NAV2: variants seen among roughly 807,000 people sequenced by gnomAD.
NAV2 encodes the protein neuron navigator 2.
In NAV2, 54 loss-of-function variants were observed where a neutral mutation model predicts 223.2. The ratio of observed to expected loss-of-function variants is 0.24; its 90% CI spans 0.19 to 0.30. The LOEUF (loss-of-function observed/expected upper bound fraction) is 0.30, where lower values mean the gene tolerates loss of function less well. NAV2 is among the 10% of genes least tolerant of loss of function. NAV2 has a pLI of 1.00. For synonymous variants in NAV2, 1,279 were observed against 1,239.3 expected (o/e 1.03, Z -0.67); for missense variants, 2,806 against 3,147.5 (o/e 0.89, Z 2.60).
intron 1 of NAV2, among the ~76,000 whole-genome samples, chr11:19,470,075 G>A (rs2041914496): frequency 6.6e-6 from 1 of 152,250 alleles, no homozygotes; most frequent in Admixed American, 6.5e-5. Context: ...GCTGAGGTAG[G>A]GGTGGAAGAC....
Position 20,114,725 on chromosome 11 carries a change from G to C in NAV2, c.7094G>C (p.Gly2365Ala), listed in dbSNP as rs1356899826. The C allele has an allele frequency of 6.2e-7, 1 of 1,614,108 alleles. No homozygotes were observed. Among genetic ancestry groups the C allele is most frequent in the South Asian group, 1.1e-5 (1 of 91,068 alleles). The change falls in exon 37 of 38, where the codon GGC becomes GCC. Residue 2365 changes from glycine (G) to alanine (A), a missense_variant. Around this residue, in one of 4 missense-constraint regions of NAV2, gnomAD observed 824 missense variants for 1,069.4 expected, o/e 0.77. Coordinates refer to ENST00000349880, the MANE Select transcript of NAV2 (RefSeq NM_145117.5). ...CGGCCTGAGGATGTCGGCTTCGACG[G>C]CTACTCCATGCCTCGGGAGGGATCG... is the stretch of plus-strand genomic sequence containing the variant. ...QLRPEDVGFD[G>A]YSMPREGSTS...
At chr11:19,557,184 A>AATG (rs1212722645) in intron 1 of NAV2, among the ~76,000 whole-genome samples, 1 of 152,226 alleles carries the variant, frequency 6.6e-6, no homozygotes, top group Non-Finnish European at 1.5e-5. Context: ...CCGCAGGTTA[A>AATG]ATTCCACAAG....
intron 3 of NAV2, among the ~76,000 whole-genome samples, chr11:19,844,119 C>T (rs911354274): frequency 3.9e-5 from 6 of 152,198 alleles, no homozygotes; most frequent in African/African-American, 1.4e-4. Flanking sequence ...GCTGACATCT[C>T]ATGGCTGCTT....
intron 11 of NAV2, among the ~76,000 whole-genome samples, chr11:19,991,306 G>T (rs2051308817): frequency 6.6e-6 from 1 of 151,698 alleles, no homozygotes; most frequent in Non-Finnish European, 1.5e-5. Context: ...TTGCATTTTT[G>T]TAGAGACAGG....
At chr11:19,374,735 T>G (rs57073132) in intron 1 of NAV2, among the ~76,000 whole-genome samples, 1,554 of 152,290 alleles carry the variant, frequency 0.01, 35 homozygotes, top group African/African-American at 0.036. Flanking sequence ...TCAGGAGAGA[T>G]CAGGATGTGG....
At chr11:19,680,817 C>A (rs1274240280) in intron 1 of NAV2, among the ~76,000 whole-genome samples, 1 of 152,194 alleles carries the variant, frequency 6.6e-6, no homozygotes, top group Non-Finnish European at 1.5e-5. Flanking sequence ...CAGGAATGAG[C>A]TCACGTGAGA....
At chr11:19,964,690 G>A (rs992740171) in intron 10 of NAV2, among the ~76,000 whole-genome samples, 2 of 151,180 alleles carry the variant, frequency 1.3e-5, no homozygotes, top group African/African-American at 4.9e-5. Context: ...TTGTAGAAAT[G>A]GTGTCTTGCT....
intron 1 of NAV2, among the ~76,000 whole-genome samples, chr11:19,768,149 GC>G (rs2055383100): frequency 6.6e-6 from 1 of 152,234 alleles, no homozygotes; most frequent in Non-Finnish European, 1.5e-5. Flanking sequence ...TGGGCGTCCT[GC>G]ACGCACGTTG....
intron 1 of NAV2, 85 bp downstream of exon 1, chr11:19,714,047 G>T: frequency 6.6e-7 from 1 of 1,522,040 alleles, no homozygotes; most frequent in Non-Finnish European, 8.9e-7. Context: ...AGGGCTGGAT[G>T]GGAGAAGGGT....
chr11:19,499,290 A>G (rs1051088299), intron 1 of NAV2, among the ~76,000 whole-genome samples: 9 of 152,216 alleles, frequency 5.9e-5, no homozygotes, highest in African/African-American at 2.2e-4. Flanking sequence ...GGGTTACAGT[A>G]ATGATGATAA....
At chr11:19,852,044 A>G (rs1220995674) in intron 3 of NAV2, among the ~76,000 whole-genome samples, 1 of 152,236 alleles carries the variant, frequency 6.6e-6, no homozygotes, top group Non-Finnish European at 1.5e-5. Flanking sequence ...TGGAAAAGGT[A>G]AAGGAAACAG....
intron 6 of NAV2, among the ~76,000 whole-genome samples, chr11:19,909,188 G>A (rs1277367835): frequency 6.6e-6 from 1 of 152,082 alleles, no homozygotes; most frequent in Non-Finnish European, 1.5e-5. Context: ...TTTGCATCAA[G>A]GATACTGAAG....
intron 18 of NAV2, among the ~76,000 whole-genome samples, chr11:20,055,072 A>T (rs2058283180): frequency 6.6e-6 from 1 of 152,242 alleles, no homozygotes; most frequent in Non-Finnish European, 1.5e-5. Flanking sequence ...TTCTAATCTC[A>T]TCTCACTCTT....
chr11:19,530,531 C>T (rs1368381862), intron 1 of NAV2, among the ~76,000 whole-genome samples: 1 of 152,120 alleles, frequency 6.6e-6, no homozygotes, highest in African/African-American at 2.4e-5. Flanking sequence ...AATGGCATGC[C>T]CAGGGTCACC....
chr11:19,726,335 A>T (rs546599871), intron 1 of NAV2, among the ~76,000 whole-genome samples: 23 of 152,154 alleles, frequency 1.5e-4, no homozygotes, highest in Non-Finnish European at 2.6e-4. Flanking sequence ...TATTTTCCCC[A>T]GTCTCCCAAA....
intron 1 of NAV2, among the ~76,000 whole-genome samples, chr11:19,456,634 A>G (rs1322921815): frequency 6.6e-6 from 1 of 152,206 alleles, no homozygotes; most frequent in Non-Finnish European, 1.5e-5. Context: ...AGCATCATCA[A>G]GTCAACCCCA....
At chr11:19,440,441 G>A (rs1262834351) in intron 1 of NAV2, among the ~76,000 whole-genome samples, 3 of 152,196 alleles carry the variant, frequency 2.0e-5, no homozygotes, top group Non-Finnish European at 4.4e-5. Flanking sequence ...TATTGTCCAA[G>A]CTGCTGGGGT....
At chr11:19,725,831 A>G (rs1027161075) in intron 1 of NAV2, among the ~76,000 whole-genome samples, 64 of 152,262 alleles carry the variant, frequency 4.2e-4, no homozygotes, top group African/African-American at 1.5e-3. Flanking sequence ...TTTCCATTCC[A>G]AAGAACTGGA....
At chr11:19,779,147 C>A (rs560024652) in intron 1 of NAV2, among the ~76,000 whole-genome samples, 16 of 152,272 alleles carry the variant, frequency 1.1e-4, no homozygotes, top group African/African-American at 3.6e-4. Context: ...CTGCCTGAAT[C>A]TTTAGAGCTG....
Sources: gnomAD v4.1 joint callset for allele counts (sites outside exome capture counted in the v4.1 genomes callset) on GRCh38, gnomAD v4.1.1 for gene constraint, gnomAD v4.1.1 regional missense constraint, MANE v1.5 for transcripts, NCBI Gene and HGNC (gene_info 2026-07-23, HGNC 2026-07-21) for gene names.